RBCK1: variants seen among roughly 807,000 people sequenced by gnomAD.
RBCK1 encodes the protein RANBP2-type and C3HC4-type zinc finger containing 1.
A neutral mutation model predicts 71.1 loss-of-function variants in RBCK1; 44 were observed. The observed-to-expected ratio is 0.62, with a 90% CI of 0.49 to 0.80. The LOEUF is 0.80. Ranked by LOEUF, RBCK1 falls within the 30% of genes least tolerant of loss-of-function variation. RBCK1 has a pLI of 0.00. For missense variants in RBCK1, 569 were observed against 685.0 expected (o/e 0.83, Z 1.89); for synonymous variants, 306 against 279.7 (o/e 1.09, Z -0.94).
intron 4 of RBCK1, 92 bp from the exon 5 acceptor site, chr20:419,255 G>A: frequency 2.6e-6 from 4 of 1,549,358 alleles, no homozygotes; most frequent in South Asian, 1.2e-5. Flanking sequence ...GATAGGGGGA[G>A]GGTCTGCCTG....
intron 8 of RBCK1, among the ~76,000 whole-genome samples, chr20:425,623 A>ATTTTTTTTTTTTTTTTTTTTTTTTTTT (rs200677519): frequency 7.7e-6 from 1 of 130,068 alleles, no homozygotes. Context: ...TGCATGGTGT[A>ATTTTTTTTTTTTTTTTTTTTTTTTTTT]TTCTTTTTTT....
chr20:408,704 A>C lies in RBCK1; in HGVS notation c.-54A>C. On this transcript the variant is annotated 5_prime_UTR_variant, in exon 1 of 12. An upstream open reading frame in the 5' UTR loses its in-frame stop. Coordinates refer to ENST00000356286, the MANE Select transcript of RBCK1 (RefSeq NM_031229.4). ...CGCCTCTCCCAGGCGACCCGGAGGT[A>C]GCATTTCCCAGGAGGCACGGTCCCC... The C allele has an allele frequency of 6.2e-7, 1 of 1,607,444 alleles. No individual in the cohort carries two copies. The highest frequency in any genetic ancestry group is 8.5e-7 in the Non-Finnish European group (1 of 1,177,706).
chr20:430,675 CAG>C lies in RBCK1; in HGVS notation c.*248_*249del. ...CCCAGCCTTAAACATAGCCCCTGGC[CAG>C]AGGCCTTGCTGGGTGGAGCCTCTGT... On this transcript the variant is annotated 3_prime_UTR_variant, in exon 12 of 12. Coordinates refer to ENST00000356286, the MANE Select transcript of RBCK1 (RefSeq NM_031229.4). The surrounding 1 kb of genome is among the most constrained non-coding windows in gnomAD (Gnocchi z 5.6). 5.4e-6 allele frequency: 3 copies of C among 557,264 alleles called. No individual in the cohort carries two copies. The East Asian group carries it at 9.2e-5, about 17-fold the overall frequency. The allele number at this position is 557,264 out of a possible 1,614,324, so 34.5% of individuals were successfully genotyped here.
At position 422,756 on chromosome 20, in the gene RBCK1, C is replaced by G. The variant is rs1175535371; in HGVS notation, c.1029+518C>G. On this transcript the variant is annotated intron_variant, in intron 8 of 11. Transcript: ENST00000356286. This position sits in a 1 kb window ranked among gnomAD's most constrained non-coding sequence, Gnocchi z 5.0. The stretch of plus-strand genomic sequence containing the variant: ...GCTGAGGTGGGAGGATTGCTTGAGC[C>G]TAGGAAGTAAGGTTGCAGTGAGCTG... Among the ~76,000 whole-genome samples, 1 of 151,954 alleles carries G rather than the reference C, an allele frequency of 6.6e-6. No homozygotes were observed. Among genetic ancestry groups the G allele is most frequent in the African/African-American group, 2.4e-5 (1 of 41,368 alleles).
intron 8 of RBCK1, among the ~76,000 whole-genome samples, chr20:426,972 TGA>T (rs1413613755): frequency 6.6e-6 from 1 of 151,514 alleles, no homozygotes; most frequent in Admixed American, 6.6e-5. Flanking sequence ...ACTACAGGTG[TGA>T]GCACCACACC....
chr20:423,943 G>T (rs1405047661), intron 8 of RBCK1, among the ~76,000 whole-genome samples: 1 of 152,196 alleles, frequency 6.6e-6, no homozygotes, highest in Non-Finnish European at 1.5e-5. Context: ...TGTCATGGTG[G>T]TCTCAAGGTT....
chr20:421,193 G>A (rs2016414289), intron 7 of RBCK1, among the ~76,000 whole-genome samples, 162 bp downstream of exon 7: 1 of 152,200 alleles, frequency 6.6e-6, no homozygotes, highest in South Asian at 2.1e-4. Context: ...AGGAACCTGA[G>A]GGAAAGAGAG....
chr20:423,027 C>T (rs970316435), intron 8 of RBCK1, among the ~76,000 whole-genome samples: 4 of 152,110 alleles, frequency 2.6e-5, no homozygotes, highest in Non-Finnish European at 5.9e-5. Context: ...CATCCAGGCG[C>T]AGTGGCTCAT....
chr20:413,314 A>T (rs2015808276), intron 2 of RBCK1, among the ~76,000 whole-genome samples: 1 of 152,120 alleles, frequency 6.6e-6, no homozygotes, highest in Non-Finnish European at 1.5e-5. Context: ...TTCTGCAAAA[A>T]AAAAACAACA....
At chr20:429,693 G>T (rs1255912645) in intron 11 of RBCK1, among the ~76,000 whole-genome samples, 2 of 152,220 alleles carry the variant, frequency 1.3e-5, no homozygotes, top group African/African-American at 4.8e-5. Flanking sequence ...CACTACAGAG[G>T]CAGAGGCCGT....
intron 2 of RBCK1, among the ~76,000 whole-genome samples, chr20:412,325 C>CTT (rs147592534): frequency 0.042 from 6,063 of 145,586 alleles, 131 homozygotes; most frequent in Middle Eastern, 0.046. Context: ...TTGGGTTTAT[C>CTT]TTTTTTTTTT....
In RBCK1 at chr20:430,444, G is replaced by T; in HGVS notation, c.*14G>T. 6.3e-7 allele frequency: 1 copy of T among 1,597,906 alleles called. No homozygotes were observed. Among genetic ancestry groups the T allele is most frequent in the Non-Finnish European group, 8.6e-7 (1 of 1,165,378 alleles). Reference sequence around the variant, plus strand: ...AACTGCCACTGAGCTAAAGATGGTGGGGCCACATGCTGACCCAGCCCCACA... The same window carrying T: ...AACTGCCACTGAGCTAAAGATGGTGTGGCCACATGCTGACCCAGCCCCACA... On this transcript the variant is annotated 3_prime_UTR_variant, in exon 12 of 12. Transcript: ENST00000356286. The surrounding 1 kb of genome is among the most constrained non-coding windows in gnomAD (Gnocchi z 5.6).
In RBCK1 at chr20:428,450, C is replaced by T; in HGVS notation, c.1210-41C>T. The T allele has an allele frequency of 6.8e-7, 1 of 1,475,590 alleles. No individual in the cohort carries two copies. The highest frequency in any genetic ancestry group is 9.2e-7 in the Non-Finnish European group (1 of 1,087,970). The allele number at this position is 1,475,590 out of a possible 1,614,324, so 91.4% of individuals were successfully genotyped here. ...CTCACCTCTCCCAGCTTCTTAACCC[C>T]CTGAGGAACCTTCTTACCTTGAGTC... On this transcript the variant is annotated intron_variant, in intron 9 of 11. Coordinates refer to ENST00000356286, the MANE Select transcript of RBCK1 (RefSeq NM_031229.4). The surrounding 1 kb of genome is among the most constrained non-coding windows in gnomAD (Gnocchi z 5.7).
chr20:426,816 CTTTTTTT>C (rs768525416), intron 8 of RBCK1, among the ~76,000 whole-genome samples: 2,413 of 95,324 alleles, frequency 0.025, 46 homozygotes, highest in African/African-American at 0.093. Flanking sequence ...TTTTCTTTTC[CTTTTTTT>C]TTTTTTTTTT....
In RBCK1 at chr20:409,198, G is replaced by A. The variant is rs374013750; in HGVS notation, c.22+419G>A. 3.9e-5 allele frequency among the ~76,000 whole-genome samples: 6 copies of A among 152,304 alleles called. No homozygotes were observed. In the South Asian group the frequency reaches 6.2e-4, roughly 16 times the overall value. On this transcript the variant is annotated intron_variant, in intron 1 of 11. Transcript: ENST00000356286. ...TGTGTTCTCCAAACAAAACCCAGAG[G>A]CCCTGGGTGGCCCACAGGATATCTG...
At position 419,690 on chromosome 20, in the gene RBCK1, CGCCTGGCGG is replaced by C; in HGVS notation, c.718_726del (p.Leu240_Gly242del). The C allele has an allele frequency of 1.3e-6, 2 of 1,575,582 alleles. No individual in the cohort carries two copies. The highest frequency in any genetic ancestry group is 1.7e-6 in the Non-Finnish European group (2 of 1,163,902). ...CCAGCCCGACGAGGAGGAGCGAGCGCGCCTGGCGGGCGAGGAGGAGGCGCTGCGTCAGTA... is the reference window on the plus strand; with the variant it reads ...CCAGCCCGACGAGGAGGAGCGAGCGCGCGAGGAGGAGGCGCTGCGTCAGTA... On this transcript the variant is annotated inframe_deletion, in exon 6 of 12. Transcript: ENST00000356286.
chr20:414,264 T>C (rs2015872597), intron 2 of RBCK1, among the ~76,000 whole-genome samples: 1 of 151,910 alleles, frequency 6.6e-6, no homozygotes, highest in South Asian at 2.1e-4. Context: ...TAAAAAAAAT[T>C]AGCCAGGCTG....
chr20:429,105 G>C lies in RBCK1; in HGVS notation c.1452+11G>C, dbSNP rs1482279498. On this transcript the variant is annotated intron_variant, in intron 11 of 11. Transcript: ENST00000356286. ...CGCTGGGGCCCTGGGGTGAGTCTTT[G>C]CTCGTGGTGGTGTGGAGAGGGTGCC... The C allele has an allele frequency of 1.9e-6, 3 of 1,607,116 alleles. No individual in the cohort carries two copies. Among genetic ancestry groups the C allele is most frequent in the South Asian group, 1.1e-5 (1 of 90,448 alleles).
chr20:421,473 G>C (rs1232887607), intron 7 of RBCK1, among the ~76,000 whole-genome samples: 1 of 152,242 alleles, frequency 6.6e-6, no homozygotes, highest in Non-Finnish European at 1.5e-5. Context: ...GCCTCCTGCA[G>C]CTTACATTCC....
Sources: allele counts gnomAD v4.1 joint callset (sites outside exome capture counted in the v4.1 genomes callset), GRCh38; gene constraint gnomAD v4.1.1; non-coding constraint Gnocchi (gnomAD v3.1); transcripts MANE v1.5; gene names NCBI Gene and HGNC (gene_info 2026-07-23, HGNC 2026-07-21).